Variants in SPMAP2L observed in about 807,000 individuals in gnomAD.
The protein encoded by SPMAP2L is sperm microtubule associated protein 2-like.
the SPMAP2L span, among the ~76,000 whole-genome samples, chr4:56,573,919 T>A: frequency 3.9e-5 from 6 of 152,178 alleles, no homozygotes; most frequent in Non-Finnish European, 5.9e-5. Context: ...TGTTTACAGC[T>A]GCAACCAGCA....
chr4:56,576,788 G>A, the SPMAP2L span, among the ~76,000 whole-genome samples: 1 of 152,164 alleles, frequency 6.6e-6, no homozygotes, highest in Non-Finnish European at 1.5e-5. Flanking sequence ...ATTTGGTAAT[G>A]TGTCTATAGT....
chr4:56,624,058 G>A, the SPMAP2L span, among the ~76,000 whole-genome samples: 7 of 152,164 alleles, frequency 4.6e-5, no homozygotes, highest in Admixed American at 2.0e-4. Flanking sequence ...ACAAAAAATC[G>A]ATAATGATAT....
At chr4:56,585,809 G>A in the SPMAP2L span, among the ~76,000 whole-genome samples, 1 of 152,106 alleles carries the variant, frequency 6.6e-6, no homozygotes, top group Non-Finnish European at 1.5e-5. Flanking sequence ...GCCACTGCAC[G>A]CCATGGACTA....
At chr4:56,574,666 G>C in the SPMAP2L span, among the ~76,000 whole-genome samples, 1 of 152,150 alleles carries the variant, frequency 6.6e-6, no homozygotes, top group African/African-American at 2.4e-5. Context: ...CTCTTCATCT[G>C]TATATCTTTT....
the SPMAP2L span, chr4:56,601,194 A>G: frequency 7.7e-7 from 1 of 1,303,792 alleles, no homozygotes; most frequent in Non-Finnish European, 1.0e-6. Flanking sequence ...GGCAAATGAA[A>G]AGAGTTGTAG....
chr4:56,558,609 G>A, the SPMAP2L span, among the ~76,000 whole-genome samples: 1 of 151,806 alleles, frequency 6.6e-6, no homozygotes, highest in African/African-American at 2.4e-5. Context: ...ATTTGAAACT[G>A]GATGCAAACC....
chr4:56,613,306 A>G, the SPMAP2L span, among the ~76,000 whole-genome samples: 7 of 152,118 alleles, frequency 4.6e-5, no homozygotes, highest in African/African-American at 1.7e-4. Flanking sequence ...CCTACTCTCT[A>G]TTACCAAGGT....
the SPMAP2L span, among the ~76,000 whole-genome samples, chr4:56,554,497 C>T: frequency 6.6e-6 from 1 of 152,096 alleles, no homozygotes; most frequent in African/African-American, 2.4e-5. Flanking sequence ...TTCTTCTGCC[C>T]ACTTTTTAGT....
the SPMAP2L span, among the ~76,000 whole-genome samples, chr4:56,566,126 CT>C: frequency 3.3e-5 from 5 of 152,114 alleles, no homozygotes; most frequent in African/African-American, 1.2e-4. Context: ...TACCAACTTG[CT>C]GTTGTTTTCT....
the SPMAP2L span, chr4:56,601,020 T>C: frequency 2.6e-6 from 4 of 1,535,334 alleles, no homozygotes; most frequent in Non-Finnish European, 3.5e-6. Flanking sequence ...ATTATCTACC[T>C]GACCGTGATG....
the SPMAP2L span, chr4:56,593,413 T>A: frequency 3.5e-6 from 5 of 1,418,716 alleles, no homozygotes; most frequent in African/African-American, 7.0e-5. Context: ...TGAAATGGAC[T>A]TCAGTGGAAA....
chr4:56,541,049 G>A, the SPMAP2L span, among the ~76,000 whole-genome samples: 5 of 152,140 alleles, frequency 3.3e-5, no homozygotes, highest in Non-Finnish European at 7.4e-5. Flanking sequence ...ATTTACTTTC[G>A]GTTACGTCAT....
At chr4:56,534,563 T>C in the SPMAP2L span, among the ~76,000 whole-genome samples, 5 of 152,184 alleles carry the variant, frequency 3.3e-5, no homozygotes. Flanking sequence ...CCTCAGTTTT[T>C]CCCCTAAACT....
the SPMAP2L span, among the ~76,000 whole-genome samples, chr4:56,611,832 G>A: frequency 1.1e-4 from 17 of 152,008 alleles, no homozygotes; most frequent in Admixed American, 2.0e-4. Flanking sequence ...AGCCAATCAC[G>A]TAAGACCCCC....
chr4:56,570,666 C>T, the SPMAP2L span, among the ~76,000 whole-genome samples: 1 of 151,978 alleles, frequency 6.6e-6, no homozygotes, highest in African/African-American at 2.4e-5. Flanking sequence ...AACATGAAGG[C>T]CCAGGACATG....
chr4:56,531,152 A>G, the SPMAP2L span: 1 of 1,532,686 alleles, frequency 6.5e-7, no homozygotes, highest in East Asian at 2.4e-5. Flanking sequence ...CCACGGCCTC[A>G]GCTGTCTTTC....
chr4:56,533,399 A>G, the SPMAP2L span, among the ~76,000 whole-genome samples: 3 of 152,148 alleles, frequency 2.0e-5, no homozygotes, highest in Non-Finnish European at 4.4e-5. Flanking sequence ...TGAGAATAGA[A>G]GAAATTCTGA....
the SPMAP2L span, chr4:56,593,919 G>T: frequency 1.2e-6 from 2 of 1,608,932 alleles, no homozygotes; most frequent in African/African-American, 1.3e-5. Context: ...TTGCCAGAAG[G>T]TCTCAAGCGA....
At chr4:56,575,524 T>G in the SPMAP2L span, 1 of 1,535,322 alleles carries the variant, frequency 6.5e-7, no homozygotes, top group African/African-American at 1.4e-5. Context: ...CTACCACAGC[T>G]GTGGAAGAGA....
Sources: gnomAD v4.1 joint callset for allele counts (sites outside exome capture counted in the v4.1 genomes callset) on GRCh38, gnomAD v4.1.1 for gene constraint, MANE v1.5 for transcripts, NCBI Gene and HGNC (gene_info 2026-07-23, HGNC 2026-07-21) for gene names.